OR52N1: variants seen among roughly 807,000 people sequenced by gnomAD.
The protein encoded by OR52N1 is olfactory receptor family 52 subfamily N member 1.
In OR52N1, 11 loss-of-function variants were observed where a neutral mutation model predicts 13.9. The observed-to-expected ratio is 0.79, with a 90% CI of 0.50 to 1.31. The LOEUF is 1.31. OR52N1 is among the 40% of genes most tolerant of loss of function. The pLI, the probability that OR52N1 is intolerant of heterozygous loss-of-function variation, is 0.00. For missense variants in OR52N1, 414 were observed against 397.7 expected, an observed-to-expected ratio of 1.04 and a Z score of -0.35; for synonymous variants, 142 against 143.7, an observed-to-expected ratio of 0.99 and a Z score of 0.08.
Position 5,788,422 on chromosome 11 carries a change from A to G in OR52N1, c.395T>C (p.Leu132Pro), listed in dbSNP as rs772361823. The change falls in exon 2 of 2, where the codon CTG becomes CCG. Residue 132 changes from leucine to proline, a missense_variant. Leu to Pro is a moderately conservative substitution (Grantham distance 98, BLOSUM62 -3). Transcript: ENST00000641645. Reference protein sequence around the residue: ...LDHCVAICFPLRYATILTNSV... With the variant: ...LDHCVAICFPPRYATILTNSV... ...ATTAGTGAGGATGGTGGCATAACGC[A>G]GAGGGAAGCAGATGGCCACACAGTG... The G allele has an allele frequency of 3.7e-6, 6 of 1,614,090 alleles. No homozygotes were observed. The highest frequency in any genetic ancestry group is 5.1e-6 in the Non-Finnish European group (6 of 1,179,988).
rs746125220 is a variant in OR52N1 at position 5,788,421 on chromosome 11, C to G, written c.396G>C (p.Leu132=). The G allele has an allele frequency of 3.7e-6, 6 of 1,613,982 alleles. No individual in the cohort carries two copies. The highest frequency in any genetic ancestry group is 5.1e-6 in the Non-Finnish European group (6 of 1,179,960). ...LDHCVAICFP[L]RYATILTNSV... Reference sequence around the variant, plus strand: ...AATTAGTGAGGATGGTGGCATAACGCAGAGGGAAGCAGATGGCCACACAGT... The same window carrying G: ...AATTAGTGAGGATGGTGGCATAACGGAGAGGGAAGCAGATGGCCACACAGT... Residue 132 remains leucine, a synonymous_variant, in exon 2 of 2, where the codon CTG becomes CTC. Coordinates refer to ENST00000641645, the MANE Select transcript of OR52N1 (RefSeq NM_001001913.2).
At position 5,787,821 on chromosome 11, in the gene OR52N1, C is replaced by G. The variant is rs1269338868; in HGVS notation, c.*33G>C. ...TCCCTATTGACTTGGTGATCTCAAC[C>G]TGGCTAAGAAAATTCTAACATCTCA... On this transcript the variant is annotated 3_prime_UTR_variant, in exon 2 of 2. Transcript: ENST00000641645. 1 of 1,438,796 alleles carries G rather than the reference C, an allele frequency of 7.0e-7. No individual in the cohort carries two copies. The highest frequency in any genetic ancestry group is 2.3e-5 in the Admixed American group (1 of 44,400). 89.1% of individuals were successfully genotyped at this position (1,438,796 alleles called of 1,614,324 possible). A position where few individuals can be genotyped will look rare whatever the true frequency, so the allele number is the denominator to read the frequency against.
At position 5,788,826 on chromosome 11, in the gene OR52N1, T is replaced by A; in HGVS notation, c.-10A>T. ...CATTTAGAAATGACATAATGACTGTTGGAAGTTCATTGTATAGCAGTTATA... is the reference window on the plus strand; with the variant it reads ...CATTTAGAAATGACATAATGACTGTAGGAAGTTCATTGTATAGCAGTTATA... On this transcript the variant is annotated 5_prime_UTR_variant, in exon 2 of 2. Coordinates refer to ENST00000641645, the MANE Select transcript of OR52N1 (RefSeq NM_001001913.2). The A allele has an allele frequency of 6.3e-7, 1 of 1,592,324 alleles. No individual in the cohort carries two copies. The highest frequency in any genetic ancestry group is 8.5e-7 in the Non-Finnish European group (1 of 1,174,614).
In OR52N1 at chr11:5,788,869, A is replaced by C. The variant is rs1483515876; in HGVS notation, c.-44-9T>G. ...CAGTTATAGCATTGCCTCTGTGAGCAGGAAATAAAAAAAAGAGTAATTTCA... is the reference window on the plus strand; with the variant it reads ...CAGTTATAGCATTGCCTCTGTGAGCCGGAAATAAAAAAAAGAGTAATTTCA... On this transcript the variant is annotated splice_polypyrimidine_tract_variant and intron_variant, in intron 1 of 1. Transcript: ENST00000641645. 1.4e-6 allele frequency: 2 copies of C among 1,380,170 alleles called. No individual in the cohort carries two copies. The highest frequency in any genetic ancestry group is 1.9e-6 in the Non-Finnish European group (2 of 1,072,740). 85.5% of individuals were successfully genotyped at this position (1,380,170 alleles called of 1,614,324 possible).
chr11:5,788,813 A>T lies in OR52N1; in HGVS notation c.4T>A (p.Ser2Thr). Residue 2 changes from serine (S) to threonine (T), a missense_variant, in exon 2 of 2, where the codon TCA becomes ACA. Ser to Thr is a moderately conservative substitution (Grantham distance 58). Transcript: ENST00000641645. ...GTTAGGCTGGTGCCATTTAGAAATGACATAATGACTGTTGGAAGTTCATTG... is the reference window on the plus strand; with the variant it reads ...GTTAGGCTGGTGCCATTTAGAAATGTCATAATGACTGTTGGAAGTTCATTG... MSFLNGTSLTPA... is the reference protein window; with the variant it reads MTFLNGTSLTPA... The T allele has an allele frequency of 1.3e-6, 2 of 1,598,716 alleles. No homozygotes were observed. The highest frequency in any genetic ancestry group is 1.7e-6 in the Non-Finnish European group (2 of 1,177,140).
At chr11:5,789,007 G>A (rs1463366264) in intron 1 of OR52N1, 147 bp from the exon 2 acceptor site, 2 of 648,482 alleles carry the variant, frequency 3.1e-6, no homozygotes, top group South Asian at 2.1e-5. Context: ...CACTGTCTGG[G>A]TGTGTGCCTT....
rs1421513080 is a variant in OR52N1, at chr11:5,788,605, G to T, written c.212C>A (p.Thr71Lys). ...GGTGCTGGTGCACATGAGCACATCT[G>T]TGAAGGAAAGAAGGGCAAGGAAGAC... is the stretch of plus-strand genomic sequence containing the variant. ...MYVFLALLSF[T>K]DVLMCTSTLP... Residue 71 changes from threonine (T) to lysine (K), a missense_variant, in exon 2 of 2, where the codon ACA (threonine) becomes AAA (lysine). Physicochemically the swap from Thr to Lys is moderately conservative, Grantham distance 78. Transcript: ENST00000641645. 2 of 1,614,044 alleles carry T rather than the reference G, an allele frequency of 1.2e-6. No homozygotes were observed. The highest frequency in any genetic ancestry group is 8.5e-7 in the Non-Finnish European group (1 of 1,179,960).
chr11:5,788,138 C>A lies in OR52N1; in HGVS notation c.679G>T (p.Val227Phe), dbSNP rs778442851. The A allele has an allele frequency of 3.7e-6, 6 of 1,614,004 alleles. 1 individual carries two copies. The South Asian group carries it at 4.4e-5, about 12-fold the overall frequency. The change falls in exon 2 of 2, where the codon GTT becomes TTT. Residue 227 changes from valine (V) to phenylalanine (F), a missense_variant. Coordinates refer to ENST00000641645, the MANE Select transcript of OR52N1 (RefSeq NM_001001913.2). ...TISYTMILQA[V>F]VSLSSADARQ... ...GCATCTGCTGATGATAGACTCACAACTGCTTGAAGAATCATAGTGTAGGAG... is the reference window on the plus strand; with the variant it reads ...GCATCTGCTGATGATAGACTCACAAATGCTTGAAGAATCATAGTGTAGGAG...
At chr11:5,788,946 T>G in intron 1 of OR52N1, 86 bp from the exon 2 acceptor site, 1 of 957,474 alleles carries the variant, frequency 1.0e-6, no homozygotes, top group Non-Finnish European at 1.5e-6. Context: ...TTTGTTTTCC[T>G]TGTAGATCAA....
chr11:5,788,333 T>A lies in OR52N1; in HGVS notation c.484A>T (p.Thr162Ser), dbSNP rs753026863. The change falls in exon 2 of 2, where the codon ACT becomes TCT. Residue 162 changes from threonine (T) to serine (S), a missense_variant. Coordinates refer to ENST00000641645, the MANE Select transcript of OR52N1 (RefSeq NM_001001913.2). The part of the protein sequence containing the change: ...LRGVMLVIPS[T>S]FLTKRLPYCK... ...TATGGAAGGCGCTTGGTGAGGAAAG[T>A]GGAAGGGATAACAAGCATCACACCC... The A allele has an allele frequency of 1.3e-4, 209 of 1,613,584 alleles. No homozygotes were observed. The highest frequency in any genetic ancestry group is 1.7e-4 in the Non-Finnish European group (203 of 1,179,932).
At chr11:5,790,209 G>A (rs1377697292) in intron 1 of OR52N1, among the ~76,000 whole-genome samples, 1 of 151,970 alleles carries the variant, frequency 6.6e-6, no homozygotes, top group East Asian at 1.9e-4. Flanking sequence ...ATTTTCATAT[G>A]TGTCTTTTAT....
intron 1 of OR52N1, among the ~76,000 whole-genome samples, chr11:5,790,130 A>C (rs920299537): frequency 6.6e-6 from 1 of 152,078 alleles, no homozygotes; most frequent in African/African-American, 2.4e-5. Flanking sequence ...GACATATTGG[A>C]GGTGACCCAC....
chr11:5,790,527 A>C (rs1854646482), intron 1 of OR52N1, among the ~76,000 whole-genome samples: 1 of 152,134 alleles, frequency 6.6e-6, no homozygotes, highest in Non-Finnish European at 1.5e-5. Context: ...CAAAGTGAAA[A>C]TGGAACATAC....
rs1349067734 is a variant in OR52N1, at chr11:5,787,031, C to A, written c.*823G>T. ...ACACAGGCAAAAAGAGCAGATATTACAAATAATAGGCTCATGAAATATCAC... is the reference window on the plus strand; with the variant it reads ...ACACAGGCAAAAAGAGCAGATATTAAAAATAATAGGCTCATGAAATATCAC... On this transcript the variant is annotated 3_prime_UTR_variant, in exon 2 of 2. Coordinates refer to ENST00000641645, the MANE Select transcript of OR52N1 (RefSeq NM_001001913.2). 7.2e-6 allele frequency: 1 copy of A among 139,366 alleles called. No homozygotes were observed. Among genetic ancestry groups the A allele is most frequent in the Non-Finnish European group, 1.6e-5 (1 of 63,178 alleles). The allele number at this position is 139,366 out of a possible 1,614,324, so 8.6% of individuals were successfully genotyped here.
Position 5,788,806 on chromosome 11 carries a change from A to G in OR52N1, c.11T>C (p.Leu4Pro). The change falls in exon 2 of 2, where the codon CTA becomes CCA. Residue 4 changes from leucine to proline, a missense_variant. Transcript: ENST00000641645. MSF[L>P]NGTSLTPASF... ...AGCTGGAGTTAGGCTGGTGCCATTT[A>G]GAAATGACATAATGACTGTTGGAAG... is the stretch of plus-strand genomic sequence containing the variant. 6.2e-7 allele frequency: 1 copy of G among 1,601,778 alleles called. No individual in the cohort carries two copies. The highest frequency in any genetic ancestry group is 1.1e-5 in the South Asian group (1 of 90,682).
chr11:5,788,198 G>A lies in OR52N1; in HGVS notation c.619C>T (p.Leu207=). The change falls in exon 2 of 2, where the codon CTG becomes TTG. Residue 207 remains leucine, a synonymous_variant. Transcript: ENST00000641645. ...CACAGGATATCAAAGCCCCCAATCAGCAGGGCAACTATCAAACCATAGATG... is the reference window on the plus strand; with the variant it reads ...CACAGGATATCAAAGCCCCCAATCAACAGGGCAACTATCAAACCATAGATG... The part of the protein sequence containing the change: ...NAIYGLIVAL[L]IGGFDILCIT... 1.2e-6 allele frequency: 2 copies of A among 1,614,022 alleles called. No individual in the cohort carries two copies. The highest frequency in any genetic ancestry group is 1.7e-6 in the Non-Finnish European group (2 of 1,179,986).
rs140270340 is a variant in OR52N1, at chr11:5,790,359, G to T, written c.-45+752C>A. On this transcript the variant is annotated intron_variant, in intron 1 of 1. Coordinates refer to ENST00000641645, the MANE Select transcript of OR52N1 (RefSeq NM_001001913.2). ...CTCACTGAAAAGAAGACAAAACACA[G>T]AAAAGTATGGAATGAGGCTGTCATC... Among the ~76,000 whole-genome samples, 376 of 152,086 alleles carry T rather than the reference G, an allele frequency of 2.5e-3. 3 individuals carry two copies. The highest frequency in any genetic ancestry group is 8.6e-3 in the African/African-American group (358 of 41,532).
Position 5,788,373 on chromosome 11 carries a change from G to A in OR52N1, c.444C>T (p.Phe148=). Residue 148 remains phenylalanine, a synonymous_variant, in exon 2 of 2, where the codon TTC becomes TTT. Transcript: ENST00000641645. The stretch of plus-strand genomic sequence containing the variant: ...GCATCACACCCCTAAGAAAAGTGAG[G>A]AACCCAGCTTTAGCAATGACTGAAT... ...LTNSVIAKAG[F]LTFLRGVMLV... The A allele has an allele frequency of 6.2e-7, 1 of 1,613,960 alleles. No homozygotes were observed. Among genetic ancestry groups the A allele is most frequent in the Non-Finnish European group, 8.5e-7 (1 of 1,179,980 alleles).
chr11:5,787,661 T>G lies in OR52N1; in HGVS notation c.*193A>C. The G allele has an allele frequency of 2.0e-6, 1 of 511,010 alleles. No homozygotes were observed. Among genetic ancestry groups the G allele is most frequent in the East Asian group, 3.2e-5 (1 of 31,342 alleles). The allele number at this position is 511,010 out of a possible 1,614,324, so 31.7% of individuals were successfully genotyped here. On this transcript the variant is annotated 3_prime_UTR_variant, in exon 2 of 2. Transcript: ENST00000641645. ...TCGAAGTCCTCTATAGTAAAAAGGC[T>G]TTAAAGAACATGGAATAACATAAGA...
Sources: allele counts gnomAD v4.1 joint callset (sites outside exome capture counted in the v4.1 genomes callset), GRCh38; gene constraint gnomAD v4.1.1; transcripts MANE v1.5; gene names NCBI Gene and HGNC (gene_info 2026-07-23, HGNC 2026-07-21).